MTOR: variants seen among roughly 807,000 people sequenced by gnomAD.
The protein encoded by MTOR is serine/threonine-protein kinase mTOR.
A neutral mutation model predicts 319.8 loss-of-function variants in MTOR; 70 were observed. That is an observed-to-expected ratio of 0.22 (90% CI 0.18 to 0.27). The LOEUF is 0.27. Ranked by LOEUF, MTOR falls within the 10% of genes least tolerant of loss-of-function variation. MTOR has a pLI of 1.00. For synonymous variants in MTOR, 1,183 were observed against 1,211.4 expected (o/e 0.98, Z 0.49); for missense variants, 1,890 against 3,274.4 (o/e 0.58, Z 10.32).
chr1:11,208,724 T>C (rs1276593912), intron 25 of MTOR, among the ~76,000 whole-genome samples: 1 of 152,232 alleles, frequency 6.6e-6, no homozygotes, highest in African/African-American at 2.4e-5. Flanking sequence ...GCTGATGGCA[T>C]ACATGGTGAA....
At chr1:11,239,152 GAC>G (rs1647639731) in intron 11 of MTOR, among the ~76,000 whole-genome samples, 1 of 152,056 alleles carries the variant, frequency 6.6e-6, no homozygotes, top group Non-Finnish European at 1.5e-5. Flanking sequence ...GGAGCAAAGA[GAC>G]AGATAAAAGG....
rs1398718034 is a variant in MTOR at position 11,114,631 on chromosome 1, G to T, written c.7165-178C>A. On this transcript the variant is annotated intron_variant, in intron 52 of 57. Transcript: ENST00000361445. ...CTGTGATCCACAGGAAACCAGGTCA[G>T]AAGTGAAGTGGTAAGCCTTTCATAG... The T allele has an allele frequency of 3.9e-6, 4 of 1,027,882 alleles. No individual in the cohort carries two copies. In the East Asian group the frequency reaches 7.8e-5, roughly 20 times the overall value. 63.7% of individuals were successfully genotyped at this position (1,027,882 alleles called of 1,614,324 possible).
At position 11,251,658 on chromosome 1, in the gene MTOR, T is replaced by TC. The variant is rs201686631; in HGVS notation, c.840+2180_840+2181insG. 7.3e-3 allele frequency among the ~76,000 whole-genome samples: 1,076 copies of TC among 148,150 alleles called. 18 individuals are homozygous for TC. The highest frequency in any genetic ancestry group is 0.024 in the African/African-American group (993 of 40,648). On this transcript the variant is annotated intron_variant, in intron 6 of 57. Transcript: ENST00000361445. ...ATACCTTATATTTAGATAGTTTCTT[T>TC]TTTTTTTTTTTTTTTTAGTGACAAG...
intron 19 of MTOR, among the ~76,000 whole-genome samples, chr1:11,228,410 A>C (rs1032336098): frequency 6.6e-6 from 1 of 152,116 alleles, no homozygotes; most frequent in African/African-American, 2.4e-5. Context: ...GCTGGTCTCA[A>C]ACTCCTGACC....
Position 11,121,130 on chromosome 1 carries a change from C to A in MTOR, c.6933+116G>T. On this transcript the variant is annotated intron_variant, in intron 49 of 57. Transcript: ENST00000361445. The surrounding 1 kb of genome is among the most constrained non-coding windows in gnomAD (Gnocchi z 4.9). ...TTTGTTAGAAAAGTCTGGACACGCT[C>A]TACAGCCAATCACAGCAAAGAAGAG... 7.0e-7 allele frequency: 1 copy of A among 1,427,482 alleles called. No homozygotes were observed. The highest frequency in any genetic ancestry group is 9.4e-7 in the Non-Finnish European group (1 of 1,066,434). The allele number at this position is 1,427,482 out of a possible 1,614,324, so 88.4% of individuals were successfully genotyped here.
At chr1:11,232,955 T>C in intron 15 of MTOR, 1 of 779,766 alleles carries the variant, frequency 1.3e-6, no homozygotes, top group Non-Finnish European at 2.3e-6. Flanking sequence ...CTGACTCTGA[T>C]TCTTGCCATT....
At chr1:11,176,791 C>T (rs995430246) in intron 28 of MTOR, among the ~76,000 whole-genome samples, 5 of 152,184 alleles carry the variant, frequency 3.3e-5, no homozygotes, top group African/African-American at 7.2e-5. Flanking sequence ...CTGTGCCCAA[C>T]GCAGGATTAA....
intron 3 of MTOR, among the ~76,000 whole-genome samples, chr1:11,258,184 C>A (rs1650673946): frequency 6.6e-6 from 1 of 151,870 alleles, no homozygotes; most frequent in Non-Finnish European, 1.5e-5. Context: ...CTATGCGAAA[C>A]CCTGCTCTAC....
chr1:11,139,036 T>C, intron 36 of MTOR: 1 of 393,980 alleles, frequency 2.5e-6, no homozygotes, highest in Non-Finnish European at 4.5e-6. Flanking sequence ...AAGTGTGCCC[T>C]TTCTATGTCC....
rs151249116 is a variant in MTOR at position 11,253,031 on chromosome 1, C to A, written c.840+808G>T. Among the ~76,000 whole-genome samples, 26 of 152,308 alleles carry A rather than the reference C, an allele frequency of 1.7e-4. No individual in the cohort carries two copies. In the East Asian group the frequency reaches 4.8e-3, roughly 28 times the overall value. The stretch of plus-strand genomic sequence containing the variant: ...AACACAGTAGGGATGCTAAGGCTAT[C>A]CTGCTCTTGGGAGACACAGACCTCT... On this transcript the variant is annotated intron_variant, in intron 6 of 57. Coordinates refer to ENST00000361445, the MANE Select transcript of MTOR (RefSeq NM_004958.4).
chr1:11,120,742 A>G (rs1005329102), intron 49 of MTOR, among the ~76,000 whole-genome samples: 2 of 152,174 alleles, frequency 1.3e-5, no homozygotes, highest in Non-Finnish European at 1.5e-5. Flanking sequence ...TACATATAAT[A>G]CCTAATACAA....
Position 11,228,819 on chromosome 1 carries a change from C to T in MTOR, c.2879G>A (p.Arg960Gln), listed in dbSNP as rs2100855868. ...GTGATGATGAGAGAGTGACTGGTCT[C>T]GGAAGATCCGCATCAGGGCCACCAT... Reference protein sequence around the residue: ...VSMVALMRIFRDQSLSHHHTM... With the variant: ...VSMVALMRIFQDQSLSHHHTM... The change falls in exon 19 of 58, where the codon CGA (arginine) becomes CAA (glutamine). Residue 960 changes from arginine (R) to glutamine (Q), a missense_variant. Transcript: ENST00000361445. 4 of 1,614,092 alleles carry T rather than the reference C, an allele frequency of 2.5e-6. No individual in the cohort carries two copies. Among genetic ancestry groups the T allele is most frequent in the Non-Finnish European group, 3.4e-6 (4 of 1,180,016 alleles).
At position 11,129,693 on chromosome 1, in the gene MTOR, C is replaced by T. The variant is rs745981837; in HGVS notation, c.5714+45G>A. 6.4e-6 allele frequency: 10 copies of T among 1,550,992 alleles called. No homozygotes were observed. The highest frequency in any genetic ancestry group is 1.4e-5 in the African/African-American group (1 of 73,662). ...TTTACGTGTGACTTCTAGGTCTTGC[C>T]ATTAACATGGCCTACCAGAGTTGCA... On this transcript the variant is annotated intron_variant, in intron 40 of 57. Coordinates refer to ENST00000361445, the MANE Select transcript of MTOR (RefSeq NM_004958.4). The surrounding 1 kb of genome is among the most constrained non-coding windows in gnomAD (Gnocchi z 4.7).
rs61773707 is a variant in MTOR, at chr1:11,235,261, C to T, written c.2209-996G>A. ...AAGAACCCCAGGTTCACTTAGAGCCCGAGAGCCTCACTGCATCCTAATAAC... is the reference window on the plus strand; with the variant it reads ...AAGAACCCCAGGTTCACTTAGAGCCTGAGAGCCTCACTGCATCCTAATAAC... On this transcript the variant is annotated intron_variant, in intron 13 of 57. Transcript: ENST00000361445. 2.9e-3 allele frequency among the ~76,000 whole-genome samples: 449 copies of T among 152,236 alleles called. 3 individuals are homozygous for T. Among genetic ancestry groups the T allele is most frequent in the Non-Finnish European group, 4.9e-3 (334 of 68,020 alleles).
At chr1:11,182,592 G>A (rs1010862251) in intron 28 of MTOR, among the ~76,000 whole-genome samples, 1 of 152,148 alleles carries the variant, frequency 6.6e-6, no homozygotes, top group Non-Finnish European at 1.5e-5. Context: ...TTACCACCCA[G>A]ACCAGAAACA....
intron 21 of MTOR, among the ~76,000 whole-genome samples, 179 bp from the exon 22 acceptor site, chr1:11,213,087 A>G (rs547214116): frequency 6.6e-6 from 1 of 152,342 alleles, no homozygotes; most frequent in African/African-American, 2.4e-5. Flanking sequence ...ATTTGCTTAC[A>G]TATTACTTTG....
At chr1:11,218,432 A>T (rs1646550043) in intron 19 of MTOR, among the ~76,000 whole-genome samples, 1 of 152,046 alleles carries the variant, frequency 6.6e-6, no homozygotes, top group Non-Finnish European at 1.5e-5. Flanking sequence ...TCCATCTCAA[A>T]AAAAAAAAAA....
Position 11,259,350 on chromosome 1 carries a change from G to A in MTOR, c.60C>T (p.Ser20=), listed in dbSNP as rs1462658202. 6.8e-6 allele frequency: 11 copies of A among 1,608,186 alleles called. No individual in the cohort carries two copies. Among genetic ancestry groups the A allele is most frequent in the Middle Eastern group, 1.7e-4 (1 of 6,048 alleles). The change falls in exon 2 of 58, where the codon AGC becomes AGT. Residue 20 remains serine (S), a synonymous_variant. Coordinates refer to ENST00000361445, the MANE Select transcript of MTOR (RefSeq NM_004958.4). ...TTAATTSSNV[S]VLQQFASGLK... is the part of the protein sequence containing the mutation. ...GGCCACTGGCAAACTGCTGCAGGACGCTCACATTGCTAGATGTGGTGGCAG... is the reference window on the plus strand; with the variant it reads ...GGCCACTGGCAAACTGCTGCAGGACACTCACATTGCTAGATGTGGTGGCAG...
intron 28 of MTOR, among the ~76,000 whole-genome samples, chr1:11,174,405 C>A (rs1225301632): frequency 1.3e-5 from 2 of 152,180 alleles, no homozygotes; most frequent in Non-Finnish European, 2.9e-5. Context: ...CTCCCAAGCT[C>A]CCATCTCACA....
Sources: gnomAD v4.1 joint callset for allele counts (sites outside exome capture counted in the v4.1 genomes callset) on GRCh38, gnomAD v4.1.1 for gene constraint, Gnocchi (gnomAD v3.1) non-coding constraint, MANE v1.5 for transcripts, NCBI Gene and HGNC (gene_info 2026-07-23, HGNC 2026-07-21) for gene names.